CDHR2: variants seen among roughly 807,000 people sequenced by gnomAD.
CDHR2 encodes the protein cadherin-related family member 2.
In CDHR2, 104 loss-of-function variants were observed where a neutral mutation model predicts 138.6. The observed-to-expected ratio is 0.75, with a 90% CI of 0.64 to 0.88. CDHR2 has a LOEUF of 0.88. Ranked by LOEUF, CDHR2 falls within the 40% of genes least tolerant of loss-of-function variation. The pLI is 0.00. For missense variants in CDHR2, 1,624 were observed against 1,727.6 expected, an observed-to-expected ratio of 0.94 and a Z score of 1.06; for synonymous variants, 755 against 742.8, an observed-to-expected ratio of 1.02 and a Z score of -0.27.
chr5:176,545,609 G>A (rs1757570531), upstream of CDHR2, among the ~76,000 whole-genome samples: 1 of 152,226 alleles, frequency 6.6e-6, no homozygotes, highest in East Asian at 1.9e-4. Context: ...ACAGGCCTAT[G>A]AGGTGGAGTC....
chr5:176,568,721 C>A lies in CDHR2; in HGVS notation c.168C>A (p.Asp56Glu). ...FWLVAEDQDN[D>E]PLTYGMSGPN... ...TGGTAGCGGAAGACCAGGACAATGACCCTCTGACCTATGGGATGAGCGGCC... is the reference window on the plus strand; with the variant it reads ...TGGTAGCGGAAGACCAGGACAATGAACCTCTGACCTATGGGATGAGCGGCC... Residue 56 changes from aspartate to glutamate, a missense_variant, in exon 4 of 32, where the codon GAC becomes GAA. Asp to Glu is a conservative substitution (Grantham distance 45). Around this residue, in one of 3 missense-constraint regions of CDHR2, gnomAD observed 1,061 missense variants for 1,136.6 expected, o/e 0.93. Transcript: ENST00000261944. 1 of 1,614,214 alleles carries A rather than the reference C, an allele frequency of 6.2e-7. No individual in the cohort carries two copies. Among genetic ancestry groups the A allele is most frequent in the East Asian group, 2.2e-5 (1 of 44,884 alleles).
In CDHR2 at chr5:176,577,520, TGGACTACGA is replaced by T. The variant is rs1561875241; in HGVS notation, c.1318_1326del (p.Asp440_Glu442del). Reference sequence around the variant, plus strand: ...GTGCTGGTGAGAGTATCCGCGCTGGTGGACTACGAGAGGCAGACGGCGATGGCGGTGCAG... The same window carrying T: ...GTGCTGGTGAGAGTATCCGCGCTGGTGAGGCAGACGGCGATGGCGGTGCAG... On this transcript the variant is annotated inframe_deletion, in exon 13 of 32. Transcript: ENST00000261944. The T allele has an allele frequency of 6.2e-7, 1 of 1,613,418 alleles. No homozygotes were observed. The highest frequency in any genetic ancestry group is 1.7e-5 in the Admixed American group (1 of 59,916).
Position 176,586,784 on chromosome 5 carries a change from C to A in CDHR2, c.2807-9C>A. On this transcript the variant is annotated splice_polypyrimidine_tract_variant and intron_variant, in intron 20 of 31. Coordinates refer to ENST00000261944, the MANE Select transcript of CDHR2 (RefSeq NM_017675.6). ...ACCCCGCTGACCCCGTTCCCGTTCA[C>A]ACCTGCAGTGATCATCCCTGAACTC... The A allele has an allele frequency of 6.2e-7, 1 of 1,605,380 alleles. No individual in the cohort carries two copies. Among genetic ancestry groups the A allele is most frequent in the Non-Finnish European group, 8.5e-7 (1 of 1,175,780 alleles).
chr5:176,589,601 G>A lies in CDHR2; in HGVS notation c.3191G>A (p.Arg1064Lys). ...STPKEEVGANRQAINAALTQA... is the reference protein window; with the variant it reads ...STPKEEVGANKQAINAALTQA... The stretch of plus-strand genomic sequence containing the variant: ...CCGAAGGAGGAGGTGGGCGCCAACA[G>A]ACAGGCGATTAATGCGTAGGTCTGG... Residue 1064 changes from arginine (R) to lysine (K), a missense_variant, in exon 24 of 32, where the codon AGA becomes AAA. Transcript: ENST00000261944. 5.0e-6 allele frequency: 8 copies of A among 1,614,032 alleles called. No homozygotes were observed. The highest frequency in any genetic ancestry group is 6.8e-6 in the Non-Finnish European group (8 of 1,180,010).
At position 176,543,303 on chromosome 5, in the gene CDHR2, C is replaced by T. The variant is rs1757500565; in HGVS notation, c.-16+534C>T. Among the ~76,000 whole-genome samples, 2 of 146,892 alleles carry T rather than the reference C, an allele frequency of 1.4e-5. No individual in the cohort carries two copies. The highest frequency in any genetic ancestry group is 3.0e-5 in the Non-Finnish European group (2 of 66,038). ...CTCCACCCCCACCCGGCGGCCGGCG[C>T]GTCGCTCCCGCTGCAGCCCAGGCTC... On this transcript the variant is annotated intron_variant, in intron 1 of 31. Transcript: ENST00000510636. This position sits in a 1 kb window ranked among gnomAD's most constrained non-coding sequence, Gnocchi z 4.0.
At chr5:176,567,186 T>C (rs1165942789) in intron 3 of CDHR2, 3 of 351,604 alleles carry the variant, frequency 8.5e-6, no homozygotes, top group African/African-American at 6.5e-5. Context: ...TTTTTTTTTT[T>C]GAGACAGGGT....
In CDHR2 at chr5:176,591,494, G is replaced by A; in HGVS notation, c.3734+10G>A. The A allele has an allele frequency of 6.2e-7, 1 of 1,600,148 alleles. No individual in the cohort carries two copies. The highest frequency in any genetic ancestry group is 1.7e-5 in the Admixed American group (1 of 60,004). ...ACCTGGACTCTGTCAGGTGAGCAGT[G>A]CCCCTCACAGCCAGGCTAGGTGGTG... is the stretch of plus-strand genomic sequence containing the variant. On this transcript the variant is annotated intron_variant, in intron 30 of 31. Coordinates refer to ENST00000261944, the MANE Select transcript of CDHR2 (RefSeq NM_017675.6).
chr5:176,577,345 T>C (rs1255658207), intron 12 of CDHR2, 54 bp from the exon 13 acceptor site: 37 of 1,552,790 alleles, frequency 2.4e-5, no homozygotes, highest in Non-Finnish European at 3.1e-5. Flanking sequence ...TGGGGGAAGA[T>C]GCAGGTGGGC....
rs774162561 is a variant in CDHR2 at position 176,568,996 on chromosome 5, G to A, written c.301G>A (p.Asp101Asn). 21 of 1,613,962 alleles carry A rather than the reference G, an allele frequency of 1.3e-5. No homozygotes were observed. The highest frequency in any genetic ancestry group is 3.3e-5 in the Admixed American group (2 of 59,992). The change falls in exon 5 of 32, where the codon GAC becomes AAC. Residue 101 changes from aspartate to asparagine, a missense_variant. Coordinates refer to ENST00000261944, the MANE Select transcript of CDHR2 (RefSeq NM_017675.6). ...ATTCAAAGTCACCATCTCCGTGAGC[G>A]ACCCCTACATCCAGGTGAGTTGGGA... ...YTFKVTISVSDPYIQVQREML... is the reference protein window; with the variant it reads ...YTFKVTISVSNPYIQVQREML...
At chr5:176,556,646 C>G (rs1339094786) in intron 1 of CDHR2, 1 of 152,438 alleles carries the variant, frequency 6.6e-6, no homozygotes, top group Non-Finnish European at 1.5e-5. Context: ...GCCTGGGCGA[C>G]AGAGCGAGAC....
intron 21 of CDHR2, among the ~76,000 whole-genome samples, chr5:176,588,454 AG>A: frequency 8.3e-6 from 1 of 121,150 alleles, no homozygotes; most frequent in Non-Finnish European, 1.8e-5. Flanking sequence ...TGAGTGTGAG[AG>A]GGTGTGTGAG....
chr5:176,563,456 C>T (rs1209023247), intron 1 of CDHR2, among the ~76,000 whole-genome samples: 3 of 151,912 alleles, frequency 2.0e-5, no homozygotes, highest in Non-Finnish European at 4.4e-5. Context: ...TGGCTTTTCT[C>T]GAGGCCAGTG....
chr5:176,579,781 C>G (rs1469443218), intron 16 of CDHR2, among the ~76,000 whole-genome samples: 1 of 152,160 alleles, frequency 6.6e-6, no homozygotes, highest in African/African-American at 2.4e-5. Flanking sequence ...ACTCTGGATT[C>G]AAGGCCACGT....
chr5:176,552,756 C>T (rs544175620), intron 1 of CDHR2, among the ~76,000 whole-genome samples: 4 of 152,274 alleles, frequency 2.6e-5, no homozygotes, highest in East Asian at 3.9e-4. Context: ...AGGAGGCAGG[C>T]GAGGCAGGGA....
intron 5 of CDHR2, among the ~76,000 whole-genome samples, chr5:176,569,928 C>T (rs1758184536): frequency 6.6e-6 from 1 of 151,724 alleles, no homozygotes; most frequent in Non-Finnish European, 1.5e-5. Flanking sequence ...CCACCTCACT[C>T]CAGCCTGAGT....
At position 176,589,730 on chromosome 5, in the gene CDHR2, C is replaced by T. The variant is rs201689696; in HGVS notation, c.3206+114C>T. On this transcript the variant is annotated intron_variant, in intron 24 of 31. Transcript: ENST00000261944. ...ATCCTGTTCCTGACCCACATTTGAC[C>T]TTGTCCCTGTCTTCAACCCTGTACT... The T allele has an allele frequency of 3.2e-4, 289 of 905,626 alleles. 2 individuals carry two copies. The East Asian group carries it at 7.3e-3, about 23-fold the overall frequency. The allele number at this position is 905,626 out of a possible 1,614,324, so 56.1% of individuals were successfully genotyped here.
Position 176,595,655 on chromosome 5 carries a change from G to A in CDHR2, c.3916G>A (p.Asp1306Asn), listed in dbSNP as rs759135912. 3.7e-6 allele frequency: 6 copies of A among 1,602,202 alleles called. No homozygotes were observed. Among genetic ancestry groups the A allele is most frequent in the Non-Finnish European group, 5.1e-6 (6 of 1,173,802 alleles). Residue 1306 changes from aspartate to asparagine, a missense_variant, in exon 32 of 32, where the codon GAC (aspartate) becomes AAC (asparagine). Asp to Asn is a conservative substitution (Grantham distance 23, BLOSUM62 1). This residue lies in a region of CDHR2 where 556 missense variants were observed against 565.7 expected (regional missense o/e 0.98). Coordinates refer to ENST00000261944, the MANE Select transcript of CDHR2 (RefSeq NM_017675.6). Reference sequence around the variant, plus strand: ...GCCATCCTACACCAACGCTGGCCTGGACACCACGGACCTGTGACAGGGGCC... The same window carrying A: ...GCCATCCTACACCAACGCTGGCCTGAACACCACGGACCTGTGACAGGGGCC... ...EGPSYTNAGL[D>N]TTDL
intron 31 of CDHR2, 24 bp downstream of exon 31, chr5:176,592,804 C>A: frequency 6.2e-7 from 1 of 1,608,042 alleles, no homozygotes; most frequent in Non-Finnish European, 8.5e-7. Flanking sequence ...TGAATTGGTG[C>A]CTGGAGGTTC....
At position 176,575,761 on chromosome 5, in the gene CDHR2, T is replaced by C; in HGVS notation, c.882T>C (p.Asp294=). The C allele has an allele frequency of 6.4e-7, 1 of 1,568,820 alleles. No homozygotes were observed. The highest frequency in any genetic ancestry group is 1.2e-5 in the South Asian group (1 of 86,466). Residue 294 remains aspartate (D), a synonymous_variant, in exon 11 of 32, where the codon GAT becomes GAC. Transcript: ENST00000261944. ...CCGGCTGGTTTGACATCGGGGCAGA[T>C]GGGGTGATCAGGGTCAACGGCTCCC... ...TRPGWFDIGA[D]GVIRVNGSLD...
Sources: gnomAD v4.1 joint callset for allele counts (sites outside exome capture counted in the v4.1 genomes callset) on GRCh38, gnomAD v4.1.1 for gene constraint, gnomAD v4.1.1 regional missense constraint, Gnocchi (gnomAD v3.1) non-coding constraint, MANE v1.5 for transcripts, NCBI Gene and HGNC (gene_info 2026-07-23, HGNC 2026-07-21) for gene names.